The following PRH1 variants were observed in gnomAD, a reference collection of about 807,000 sequenced individuals.
PRH1 encodes the protein salivary acidic proline-rich phosphoprotein 1/2.
PRH1 carries 7 observed loss-of-function variants against 7.9 expected under a neutral mutation model. The ratio of observed to expected loss-of-function variants is 0.89; its 90% confidence interval spans 0.50 to 1.67. PRH1 has a LOEUF of 1.67. Ranked by LOEUF, PRH1 falls within the 40% of genes most tolerant of loss-of-function variation. The pLI is 0.00. For missense variants in PRH1, 109 were observed against 223.6 expected (o/e 0.49, Z 3.27); for synonymous variants, 45 against 80.8 (o/e 0.56, Z 2.38).
In PRH1 at chr12:11,088,709, C is replaced by T. The variant is rs2084646; in HGVS notation, n.124-41521G>A. ...AGTTTCCCAGGCTACTGGTCTCAAG[C>T]AGAATCCAGAACAAAAGTGGGCTCT... On this transcript the variant is annotated intron_variant and non_coding_transcript_variant, in intron 1 of 4. Transcript: ENST00000541977. Among the ~76,000 whole-genome samples the T allele has an allele frequency of 9.7e-4, 93 of 96,006 alleles. 6 individuals carry two copies. Among genetic ancestry groups the T allele is most frequent in the Admixed American group, 1.7e-3 (16 of 9,166 alleles). 63.0% of individuals were successfully genotyped at this position (96,006 alleles called of 152,430 possible). A position where few individuals can be genotyped will look rare whatever the true frequency, so the allele number is the denominator to read the frequency against.
At chr12:11,169,181 T>C (rs976577788) in intron 1 of PRH1, among the ~76,000 whole-genome samples, 2 of 152,146 alleles carry the variant, frequency 1.3e-5, no homozygotes, top group Non-Finnish European at 2.9e-5. Flanking sequence ...AATCATGAAT[T>C]TTCTAATTTG....
chr12:10,945,689 C>G (rs542965274), intron 2 of PRH1, among the ~76,000 whole-genome samples: 1 of 152,106 alleles, frequency 6.6e-6, no homozygotes, highest in Admixed American at 6.5e-5. Context: ...AGCAGACAAC[C>G]GGTTTGACCA....
Position 11,091,113 on chromosome 12 carries a change from C to CATATATATATATAT in PRH1, n.124-43926_124-43925insATATATATATATAT, listed in dbSNP as rs1447599116. Among the ~76,000 whole-genome samples the CATATATATATATAT allele has an allele frequency of 4.6e-3, 26 of 5,658 alleles. 1 individual carries two copies. Among genetic ancestry groups the CATATATATATATAT allele is most frequent in the African/African-American group, 6.5e-3 (25 of 3,838 alleles). The allele number at this position is 5,658 out of a possible 152,430, so 3.7% of individuals were successfully genotyped here. A position where few individuals can be genotyped will look rare whatever the true frequency, so the allele number is the denominator to read the frequency against. ...ATACACAAATACACACACACACACA[C>CATATATATATATAT]ACATATATATATATATATATATATA... On this transcript the variant is annotated intron_variant and non_coding_transcript_variant, in intron 1 of 4. Coordinates refer to the PRH1 transcript ENST00000541977.
At chr12:10,922,471 T>C (rs1950059335) in intron 2 of PRH1, among the ~76,000 whole-genome samples, 1 of 152,230 alleles carries the variant, frequency 6.6e-6, no homozygotes, top group African/African-American at 2.4e-5. Flanking sequence ...TTTAACATTT[T>C]ACTACTTTAC....
At chr12:11,060,953 C>A in intron 1 of PRH1, among the ~76,000 whole-genome samples, 1 of 152,230 alleles carries the variant, frequency 6.6e-6, no homozygotes, top group Non-Finnish European at 1.5e-5. Context: ...GTTCAAATAA[C>A]AATAGAAAAC....
intron 1 of PRH1, among the ~76,000 whole-genome samples, chr12:11,037,897 C>G (rs1415699320): frequency 1.3e-5 from 2 of 151,174 alleles, no homozygotes; most frequent in Non-Finnish European, 3.0e-5. Flanking sequence ...AAAAAATCAG[C>G]AGGGTGTGGT....
chr12:10,919,100 C>G (rs958834389), intron 2 of PRH1, among the ~76,000 whole-genome samples: 1 of 151,978 alleles, frequency 6.6e-6, no homozygotes, highest in Admixed American at 6.5e-5. Flanking sequence ...TTTACTTTTT[C>G]AATTCTATAT....
intron 1 of PRH1, among the ~76,000 whole-genome samples, chr12:11,042,208 C>T (rs908890625): frequency 1.3e-5 from 2 of 151,596 alleles, no homozygotes; most frequent in East Asian, 1.9e-4. Context: ...AAAAGTTAAA[C>T]AACATTGACA....
chr12:11,171,497 G>A (rs950307115), upstream of PRH1: 5 of 1,232,260 alleles, frequency 4.1e-6, no homozygotes, highest in African/African-American at 7.8e-5. Context: ...AGCTGCGCAT[G>A]AACTTCCCGT....
At chr12:11,117,657 TC>T (rs891051032), downstream of PRH1, among the ~76,000 whole-genome samples, 2 of 152,162 alleles carry the variant, frequency 1.3e-5, no homozygotes, top group African/African-American at 4.8e-5. Context: ...TTACTTGACT[TC>T]ATATGATACT....
chr12:10,942,805 C>A (rs547615142), intron 2 of PRH1, among the ~76,000 whole-genome samples: 13 of 152,152 alleles, frequency 8.5e-5, no homozygotes, highest in Admixed American at 2.6e-4. Context: ...CTCTTGTCAC[C>A]CTCCCAAAGG....
chr12:11,035,271 G>A (rs202167622), intron 1 of PRH1, among the ~76,000 whole-genome samples: 1 of 142,288 alleles, frequency 7.0e-6, no homozygotes, highest in Non-Finnish European at 1.6e-5. Flanking sequence ...TCTAATTTTC[G>A]GGAACTGCAG....
At chr12:11,152,201 T>C (rs1181865973) in intron 1 of PRH1, among the ~76,000 whole-genome samples, 1 of 150,052 alleles carries the variant, frequency 6.7e-6, no homozygotes, top group Non-Finnish European at 1.5e-5. Context: ...CATTTAGCAT[T>C]AGGTATATCT....
chr12:11,113,476 A>G (rs1224340681), intron 1 of PRH1, among the ~76,000 whole-genome samples: 1 of 152,204 alleles, frequency 6.6e-6, no homozygotes, highest in African/African-American at 2.4e-5. Context: ...TGGATTCCCT[A>G]TTTGATAAAT....
At chr12:10,950,298 G>C (rs975056607) in intron 2 of PRH1, among the ~76,000 whole-genome samples, 1 of 152,076 alleles carries the variant, frequency 6.6e-6, no homozygotes, top group Admixed American at 6.6e-5. Context: ...GTCATACTCA[G>C]CCAAAGGAAT....
chr12:10,922,839 T>TTTTTTTTTTTC, intron 2 of PRH1, among the ~76,000 whole-genome samples: 1 of 127,696 alleles, frequency 7.8e-6, no homozygotes, highest in Non-Finnish European at 1.7e-5. Context: ...TTCTTTTTTT[T>TTTTTTTTTTTC]GAGACGGAGT....
chr12:10,943,148 T>G (rs1025581832), intron 2 of PRH1, among the ~76,000 whole-genome samples: 8 of 152,208 alleles, frequency 5.3e-5, no homozygotes, highest in Non-Finnish European at 1.0e-4. Context: ...TTTCTGGAGC[T>G]AAAATTCATG....
Position 11,096,333 on chromosome 12 carries a change from G to T in PRH1, n.124-49145C>A, listed in dbSNP as rs184338818. Among the ~76,000 whole-genome samples, 51 of 114,762 alleles carry T rather than the reference G, an allele frequency of 4.4e-4. 12 individuals carry two copies. Among genetic ancestry groups the T allele is most frequent in the African/African-American group, 1.2e-3 (41 of 34,408 alleles). 75.3% of individuals were successfully genotyped at this position (114,762 alleles called of 152,430 possible). On this transcript the variant is annotated intron_variant and non_coding_transcript_variant, in intron 1 of 4. Transcript: ENST00000541977. ...TTCTTATGTTTAACTGGTTGTTAAC[G>T]CTATTGGATTCTCAAAATTGATGAC...
At chr12:11,070,592 T>C (rs1944022347) in intron 1 of PRH1, among the ~76,000 whole-genome samples, 1 of 152,160 alleles carries the variant, frequency 6.6e-6, no homozygotes, top group African/African-American at 2.4e-5. Context: ...AAACTTCCAT[T>C]CCTGCTCAGA....
Sources: gnomAD v4.1 joint callset for allele counts (sites outside exome capture counted in the v4.1 genomes callset) on GRCh38, gnomAD v4.1.1 for gene constraint, MANE v1.5 for transcripts, NCBI Gene and HGNC (gene_info 2026-07-23, HGNC 2026-07-21) for gene names.